Variants in TIAM2 observed in about 807,000 individuals in gnomAD.
TIAM2 encodes the protein rho guanine nucleotide exchange factor TIAM2.
TIAM2 carries 80 observed loss-of-function variants against 152.9 expected under a neutral mutation model. The ratio of observed to expected loss-of-function variants is 0.52; its 90% CI spans 0.44 to 0.63. The LOEUF (loss-of-function observed/expected upper bound fraction) is 0.63, where lower values mean the gene tolerates loss of function less well. Ranked by LOEUF, TIAM2 falls within the 30% of genes least tolerant of loss-of-function variation. The pLI, the probability that TIAM2 is intolerant of heterozygous loss-of-function variation, is 0.00. For missense variants in TIAM2, 1,965 were observed against 2,120.1 expected, an observed-to-expected ratio of 0.93 and a Z score of 1.44; for synonymous variants, 804 against 838.0, an observed-to-expected ratio of 0.96 and a Z score of 0.70.
intron 1 of TIAM2, among the ~76,000 whole-genome samples, chr6:155,084,108 T>C (rs1778128582): frequency 6.6e-6 from 1 of 152,222 alleles, no homozygotes; most frequent in East Asian, 1.9e-4. Context: ...AAAGATCCAT[T>C]CTGATCTACC....
At chr6:155,001,553 G>A (rs865967521) in intron 1 of TIAM2, among the ~76,000 whole-genome samples, 6 of 152,350 alleles carry the variant, frequency 3.9e-5, no homozygotes, top group Middle Eastern at 6.8e-3. Context: ...TGCCAGAAGC[G>A]TATAATGTAT....
At chr6:155,056,743 A>G (rs1348602678) in intron 1 of TIAM2, among the ~76,000 whole-genome samples, 1 of 152,058 alleles carries the variant, frequency 6.6e-6, no homozygotes, top group African/African-American at 2.4e-5. Flanking sequence ...AACATCTTAT[A>G]TTATTATAGT....
chr6:155,179,954 G>A (rs529319382), intron 12 of TIAM2, among the ~76,000 whole-genome samples: 30 of 152,244 alleles, frequency 2.0e-4, no homozygotes, highest in African/African-American at 6.5e-4. Context: ...GATTGCTTTA[G>A]CTTTACTTCC....
At chr6:155,251,338 G>A (rs1236378063) in intron 22 of TIAM2, among the ~76,000 whole-genome samples, 3 of 152,148 alleles carry the variant, frequency 2.0e-5, no homozygotes, top group African/African-American at 7.2e-5. Flanking sequence ...CCAGGCTGGA[G>A]TGCAATGGTG....
intron 15 of TIAM2, among the ~76,000 whole-genome samples, chr6:155,223,012 T>C (rs1215570532): frequency 6.6e-6 from 1 of 152,188 alleles, no homozygotes; most frequent in East Asian, 1.9e-4. Flanking sequence ...TTCCAGATGC[T>C]CTCTGCTCTT....
rs1327087529 is a variant in TIAM2, at chr6:155,245,663, C to T, written c.3584C>T (p.Ala1195Val). 10 of 1,613,942 alleles carry T rather than the reference C, an allele frequency of 6.2e-6. No homozygotes were observed. Among genetic ancestry groups the T allele is most frequent in the South Asian group, 1.1e-5 (1 of 91,078 alleles). ...FSLGGSFLYY[A>V]DHFKLYSGFC... ...CTTGGAGGCTCTTTCCTTTATTACG[C>T]GGACCACTTTAAACTGTACAGTGGA... The change falls in exon 19 of 27, where the codon GCG becomes GTG. Residue 1195 changes from alanine (A) to valine (V), a missense_variant. Transcript: ENST00000682666.
Position 155,148,148 on chromosome 6 carries a change from T to A in TIAM2, c.1842T>A (p.Ala614=). The change falls in exon 7 of 27, where the codon GCT becomes GCA. Residue 614 remains alanine (A), a synonymous_variant. Coordinates refer to ENST00000682666, the MANE Select transcript of TIAM2 (RefSeq NM_012454.4). ...SQTDLENWVT[A]VHSACASLFA... is the part of the protein sequence containing the mutation. ...CAGATCTAGAAAACTGGGTCACTGC[T>A]GTACACTCTGCTTGTGCATCCCTTT... 1 of 1,613,874 alleles carries A rather than the reference T, an allele frequency of 6.2e-7. No homozygotes were observed. Among genetic ancestry groups the A allele is most frequent in the Non-Finnish European group, 8.5e-7 (1 of 1,180,038 alleles).
chr6:155,231,330 A>G (rs1243042205), intron 15 of TIAM2, among the ~76,000 whole-genome samples: 1 of 152,244 alleles, frequency 6.6e-6, no homozygotes, highest in Non-Finnish European at 1.5e-5. Context: ...GGAACTGTCT[A>G]GTCTAGAAGA....
rs1051748986 is a variant in TIAM2 at position 155,186,371 on chromosome 6, A to G, written c.3064+2871A>G. 1.5e-4 allele frequency among the ~76,000 whole-genome samples: 23 copies of G among 152,248 alleles called. No individual in the cohort carries two copies. The highest frequency in any genetic ancestry group is 3.3e-4 in the Admixed American group (5 of 15,278). Reference sequence around the variant, plus strand: ...GGGCCCTGGAATGAGCCCCAGCTGTACACAGCAGCCTCGCTTTCACACCTC... The same window carrying G: ...GGGCCCTGGAATGAGCCCCAGCTGTGCACAGCAGCCTCGCTTTCACACCTC... On this transcript the variant is annotated intron_variant, in intron 14 of 26. Coordinates refer to ENST00000682666, the MANE Select transcript of TIAM2 (RefSeq NM_012454.4). This position sits in a 1 kb window ranked among gnomAD's most constrained non-coding sequence, Gnocchi z 4.5.
chr6:155,165,538 G>A (rs1583224496), intron 9 of TIAM2, 129 bp downstream of exon 9: 8 of 1,310,976 alleles, frequency 6.1e-6, no homozygotes, highest in South Asian at 3.0e-5. Flanking sequence ...GGTGGCTCAC[G>A]CCTGTAATTC....
At chr6:155,081,442 C>G (rs1778058985) in intron 1 of TIAM2, among the ~76,000 whole-genome samples, 1 of 148,774 alleles carries the variant, frequency 6.7e-6, no homozygotes, top group African/African-American at 2.5e-5. Flanking sequence ...TTTCCCATAA[C>G]ATGCCACTTT....
At position 155,254,047 on chromosome 6, in the gene TIAM2, C is replaced by A; in HGVS notation, c.4300C>A (p.Gln1434Lys). The change falls in exon 25 of 27, where the codon CAG becomes AAG. Residue 1434 changes from glutamine to lysine, a missense_variant. By Grantham distance (53) the Gln-to-Lys change is moderately conservative. This residue lies in a region of TIAM2 where 935 missense variants were observed against 980.0 expected (regional missense o/e 0.95). Transcript: ENST00000682666. Reference sequence around the variant, plus strand: ...AGAAGGACGGCCAGAAACCATCTTTCAGTTGTGTTGCAGGTATGACTGACT... The same window carrying A: ...AGAAGGACGGCCAGAAACCATCTTTAAGTTGTGTTGCAGGTATGACTGACT... ...EIEGRPETIF[Q>K]LCCSDSESKT... is the part of the protein sequence containing the mutation. The A allele has an allele frequency of 6.2e-7, 1 of 1,614,078 alleles. No homozygotes were observed. Among genetic ancestry groups the A allele is most frequent in the Non-Finnish European group, 8.5e-7 (1 of 1,179,972 alleles).
chr6:155,058,971 T>C (rs1314663820), intron 1 of TIAM2, among the ~76,000 whole-genome samples: 1 of 152,166 alleles, frequency 6.6e-6, no homozygotes. Flanking sequence ...GGAGAAGGCA[T>C]CTGCCCTGTA....
intron 2 of TIAM2, among the ~76,000 whole-genome samples, chr6:155,103,494 C>T (rs368346491): frequency 6.6e-6 from 1 of 152,078 alleles, no homozygotes; most frequent in South Asian, 2.1e-4. Context: ...GAGGCTGAGG[C>T]GGGTGGATCA....
intron 14 of TIAM2, among the ~76,000 whole-genome samples, chr6:155,188,359 G>A (rs1781106632): frequency 6.6e-6 from 1 of 152,218 alleles, no homozygotes. Context: ...GGAAGAGACA[G>A]GAATATATGG....
intron 16 of TIAM2, among the ~76,000 whole-genome samples, chr6:155,243,113 G>A (rs1282375674): frequency 6.6e-6 from 1 of 152,140 alleles, no homozygotes; most frequent in Non-Finnish European, 1.5e-5. Flanking sequence ...CCACTATACT[G>A]TCCTGCTGGA....
At position 155,256,924 on chromosome 6, in the gene TIAM2, C is replaced by T. The variant is rs1784086177; in HGVS notation, c.4909C>T (p.Arg1637Ter). Residue 1637 changes from arginine to a stop codon, truncating the protein, a stop_gained, in exon 27 of 27, where the codon CGA (arginine) becomes TGA (stop). Coordinates refer to ENST00000682666, the MANE Select transcript of TIAM2 (RefSeq NM_012454.4). LOFTEE classifies it high-confidence loss of function. Reference protein sequence around the residue: ...LVRGHFCPIKRKANSTKRDRG... With the variant: ...LVRGHFCPIK The stretch of plus-strand genomic sequence containing the variant: ...CCGGGGGCACTTCTGCCCCATTAAA[C>T]GAAAAGCCAACAGCACCAAGAGGGA... The T allele has an allele frequency of 5.6e-6, 9 of 1,614,164 alleles. No individual in the cohort carries two copies. Among genetic ancestry groups the T allele is most frequent in the Non-Finnish European group, 7.6e-6 (9 of 1,180,030 alleles).
intron 1 of TIAM2, among the ~76,000 whole-genome samples, chr6:155,085,575 C>A (rs7765197): frequency 0.44 from 65,332 of 149,948 alleles, 14,415 homozygotes; most frequent in Middle Eastern, 0.54. Context: ...AAAAAAAAAA[C>A]AACTTTGTGA....
chr6:155,121,603 TAAAG>T (rs1052728892), intron 2 of TIAM2, among the ~76,000 whole-genome samples: 2 of 152,146 alleles, frequency 1.3e-5, no homozygotes, highest in Non-Finnish European at 1.5e-5. Flanking sequence ...CCTCCCCAAA[TAAAG>T]AAAACCAAGT....
Sources: gnomAD v4.1 joint callset for allele counts (sites outside exome capture counted in the v4.1 genomes callset) on GRCh38, gnomAD v4.1.1 for gene constraint, gnomAD v4.1.1 regional missense constraint, Gnocchi (gnomAD v3.1) non-coding constraint, MANE v1.5 for transcripts, NCBI Gene and HGNC (gene_info 2026-07-23, HGNC 2026-07-21) for gene names.